BDKRB2: variants seen among roughly 807,000 people sequenced by gnomAD.
The protein encoded by BDKRB2 is bradykinin receptor B2, also known as B2 bradykinin receptor.
A neutral mutation model predicts 4.0 loss-of-function variants in BDKRB2; 6 were observed. The ratio of observed to expected loss-of-function variants is 1.49; its 90% CI spans 0.81 to 2.93. The LOEUF (loss-of-function observed/expected upper bound fraction) is 2.93, where lower values mean the gene tolerates loss of function less well. BDKRB2 is among the 30% of genes most tolerant of loss of function. The pLI, the probability that BDKRB2 is intolerant of heterozygous loss-of-function variation, is 0.00. For synonymous variants in BDKRB2, 225 were observed against 215.3 expected, an observed-to-expected ratio of 1.05 and a Z score of -0.40; for missense variants, 478 against 520.1, an observed-to-expected ratio of 0.92 and a Z score of 0.79.
At chr14:96,208,054 A>G (rs1482885773) in intron 1 of BDKRB2, among the ~76,000 whole-genome samples, 1 of 152,096 alleles carries the variant, frequency 6.6e-6, no homozygotes, top group Non-Finnish European at 1.5e-5. Flanking sequence ...TCTTCCTCCA[A>G]CTGCCCCCAC....
intron 1 of BDKRB2, among the ~76,000 whole-genome samples, chr14:96,207,407 T>C (rs1369302168): frequency 6.9e-6 from 1 of 145,280 alleles, no homozygotes; most frequent in Non-Finnish European, 1.5e-5. Context: ...AAGGCAAAAC[T>C]ATGAAGACAG....
chr14:96,238,118 T>C, intron 2 of BDKRB2: 1 of 1,000,644 alleles, frequency 1.0e-6, no homozygotes, highest in Non-Finnish European at 1.2e-6. Context: ...AGAGACAGCT[T>C]ATCTCTGTTC....
At chr14:96,233,840 A>G (rs1890874115) in intron 1 of BDKRB2, 1 of 152,246 alleles carries the variant, frequency 6.6e-6, no homozygotes, top group South Asian at 2.1e-4. Flanking sequence ...TTTTACAGTA[A>G]GTCTTCTTGG....
At chr14:96,239,748 C>T (rs1268445944) in intron 2 of BDKRB2, 2 of 974,270 alleles carry the variant, frequency 2.1e-6, no homozygotes, top group Middle Eastern at 5.2e-4. Flanking sequence ...CGTCACACGG[C>T]TTATAAGTAA....
chr14:96,237,895 C>A, intron 2 of BDKRB2: 3 of 1,278,052 alleles, frequency 2.3e-6, no homozygotes, highest in Non-Finnish European at 3.1e-6. Context: ...AATTAATAAG[C>A]AGCATCTGGT....
chr14:96,219,294 T>G (rs1890500085), intron 1 of BDKRB2, among the ~76,000 whole-genome samples: 2 of 152,118 alleles, frequency 1.3e-5, no homozygotes, highest in South Asian at 4.1e-4. Flanking sequence ...AGAGCGAGAC[T>G]CTGCCTCAAA....
At chr14:96,228,470 G>C (rs1214138903) in intron 1 of BDKRB2, among the ~76,000 whole-genome samples, 2 of 152,152 alleles carry the variant, frequency 1.3e-5, no homozygotes, top group East Asian at 1.9e-4. Context: ...CGGGTGGGGA[G>C]CTGGAAAGGG....
chr14:96,211,736 G>C (rs1890307919), intron 1 of BDKRB2, among the ~76,000 whole-genome samples: 1 of 152,152 alleles, frequency 6.6e-6, no homozygotes, highest in East Asian at 1.9e-4. Flanking sequence ...TTCCTCCCCT[G>C]CTGTGTGACC....
At chr14:96,222,888 C>CT (rs988346942) in intron 1 of BDKRB2, among the ~76,000 whole-genome samples, 1 of 151,874 alleles carries the variant, frequency 6.6e-6, no homozygotes, top group Non-Finnish European at 1.5e-5. Context: ...TGTCTTTTTA[C>CT]TTTTTTTAAT....
Position 96,239,984 on chromosome 14 carries a change from A to G in BDKRB2, c.75-419A>G. The G allele has an allele frequency of 3.0e-6, 3 of 992,452 alleles. No homozygotes were observed. The South Asian group carries it at 1.4e-4, about 46-fold the overall frequency. 61.5% of individuals were successfully genotyped at this position (992,452 alleles called of 1,614,324 possible). ...AATGATATCATTTTTCTCTTTTAAT[A>G]AATTAACTCACCCACCACACGGCTT... On this transcript the variant is annotated intron_variant, in intron 2 of 2. Transcript: ENST00000554311.
intron 1 of BDKRB2, among the ~76,000 whole-genome samples, chr14:96,205,733 G>A (rs1890165000): frequency 6.6e-6 from 1 of 152,194 alleles, no homozygotes; most frequent in African/African-American, 2.4e-5. Flanking sequence ...CTATAAAGAA[G>A]ACCTGGAAGT....
chr14:96,208,247 C>T (rs1437732206), intron 1 of BDKRB2, among the ~76,000 whole-genome samples: 1 of 152,204 alleles, frequency 6.6e-6, no homozygotes, highest in Non-Finnish European at 1.5e-5. Flanking sequence ...CCAAAACACC[C>T]ACTCCAGGGT....
At position 96,244,120 on chromosome 14, in the gene BDKRB2, A is replaced by C; in HGVS notation, c.*2616A>C. ...ATCCAAACGAGAAAATCATGTAAAC[A>C]TGTGTCTTTTCTGTAGAGCATAATA... On this transcript the variant is annotated 3_prime_UTR_variant, in exon 3 of 3. Transcript: ENST00000554311. 2.5e-6 allele frequency: 1 copy of C among 398,582 alleles called. No homozygotes were observed. Among genetic ancestry groups the C allele is most frequent in the Non-Finnish European group, 4.4e-6 (1 of 226,046 alleles). 24.7% of individuals were successfully genotyped at this position (398,582 alleles called of 1,614,324 possible). A position where few individuals can be genotyped will look rare whatever the true frequency, so the allele number is the denominator to read the frequency against.
chr14:96,239,292 G>A lies in BDKRB2; in HGVS notation c.75-1111G>A, dbSNP rs575720969. The A allele has an allele frequency of 4.6e-5, 45 of 972,776 alleles. No individual in the cohort carries two copies. In the South Asian group the frequency reaches 1.0e-3, roughly 22 times the overall value. 60.3% of individuals were successfully genotyped at this position (972,776 alleles called of 1,614,324 possible). On this transcript the variant is annotated intron_variant, in intron 2 of 2. Transcript: ENST00000554311. ...AGCCATGAAAAAAGAAATGCAAAGC[G>A]ATTCAGGATGAGAGCAATACCCTAC...
At chr14:96,230,451 A>G (rs1890791971) in intron 1 of BDKRB2, among the ~76,000 whole-genome samples, 2 of 152,132 alleles carry the variant, frequency 1.3e-5, no homozygotes, top group African/African-American at 4.8e-5. Context: ...CTGGAGTGCA[A>G]CGGTGCGATC....
intron 1 of BDKRB2, among the ~76,000 whole-genome samples, chr14:96,207,671 G>C (rs1283070489): frequency 1.3e-5 from 2 of 152,124 alleles, no homozygotes; most frequent in Non-Finnish European, 2.9e-5. Context: ...TCTTGTGGGG[G>C]ATGTCAGTAA....
chr14:96,221,947 A>G (rs994880070), intron 1 of BDKRB2, among the ~76,000 whole-genome samples: 6 of 152,044 alleles, frequency 3.9e-5, no homozygotes, highest in Non-Finnish European at 7.3e-5. Context: ...AATTCCGTTC[A>G]GTTCTGACAT....
At chr14:96,206,747 C>T (rs1442313316) in intron 1 of BDKRB2, among the ~76,000 whole-genome samples, 1 of 152,142 alleles carries the variant, frequency 6.6e-6, no homozygotes, top group Non-Finnish European at 1.5e-5. Flanking sequence ...AGGGGCCCAC[C>T]TGGGCGCGGT....
At chr14:96,212,147 C>A (rs1372543666) in intron 1 of BDKRB2, among the ~76,000 whole-genome samples, 1 of 152,158 alleles carries the variant, frequency 6.6e-6, no homozygotes, top group African/African-American at 2.4e-5. Context: ...GAAATGTTAC[C>A]ATGAGGATGC....
Sources: allele counts gnomAD v4.1 joint callset (sites outside exome capture counted in the v4.1 genomes callset), GRCh38; gene constraint gnomAD v4.1.1; transcripts MANE v1.5; gene names NCBI Gene and HGNC (gene_info 2026-07-23, HGNC 2026-07-21).